TRPM6: variants seen among roughly 807,000 people sequenced by gnomAD.
The protein encoded by TRPM6 is transient receptor potential cation channel subfamily M member 6.
A neutral mutation model predicts 247.6 loss-of-function variants in TRPM6; 111 were observed. The observed-to-expected ratio is 0.45, with a 90% CI of 0.38 to 0.52. The LOEUF is 0.52. TRPM6 is among the 20% of genes least tolerant of loss of function. TRPM6 has a pLI of 0.00. For synonymous variants in TRPM6, 892 were observed against 853.8 expected (o/e 1.04, Z -0.78); for missense variants, 2,126 against 2,421.5 (o/e 0.88, Z 2.56).
intron 1 of TRPM6, among the ~76,000 whole-genome samples, chr9:74,877,370 A>T (rs866040271): frequency 4.2e-4 from 64 of 152,336 alleles, no homozygotes; most frequent in African/African-American, 1.4e-3. Flanking sequence ...CAGCCACAGG[A>T]AAAAAGCACC....
At chr9:74,859,696 C>G (rs567103379) in intron 1 of TRPM6, among the ~76,000 whole-genome samples, 1 of 151,834 alleles carries the variant, frequency 6.6e-6, no homozygotes, top group Non-Finnish European at 1.5e-5. Flanking sequence ...ATCGCTTGAA[C>G]CTGGCAGGCA....
At position 74,837,181 on chromosome 9, in the gene TRPM6, A is replaced by T. The variant is rs374448643; in HGVS notation, c.544+2843T>A. On this transcript the variant is annotated intron_variant, in intron 5 of 38. Coordinates refer to ENST00000360774, the MANE Select transcript of TRPM6 (RefSeq NM_017662.5). ...AAATGTCAAAGATTCATGCGAAATT[A>T]TGTTCAACTATGGTTGAGAAGCCTG... Among the ~76,000 whole-genome samples the T allele has an allele frequency of 2.8e-3, 420 of 152,372 alleles. 2 individuals are homozygous for T. Among genetic ancestry groups the T allele is most frequent in the South Asian group, 5.4e-3 (26 of 4,832 alleles).
In TRPM6 at chr9:74,842,246, C is replaced by T. The variant is rs762548236; in HGVS notation, c.250G>A (p.Glu84Lys). Reference sequence around the variant, plus strand: ...GTTGGGCTTTTCGTTGTGTGCTTTTCAACAGACCATTGTTCACTTTCTTTA... The same window carrying T: ...GTTGGGCTTTTCGTTGTGTGCTTTTTAACAGACCATTGTTCACTTTCTTTA... ...KGKESEQWSV[E>K]KHTTKSPTDT... The change falls in exon 4 of 39, where the codon GAA (glutamate) becomes AAA (lysine). Residue 84 changes from glutamate (E) to lysine (K), a missense_variant. By Grantham distance (56) the Glu-to-Lys change is moderately conservative (BLOSUM62 1). Coordinates refer to ENST00000360774, the MANE Select transcript of TRPM6 (RefSeq NM_017662.5). The T allele has an allele frequency of 2.2e-5, 36 of 1,613,894 alleles. No individual in the cohort carries two copies. The highest frequency in any genetic ancestry group is 3.1e-5 in the Non-Finnish European group (36 of 1,180,030).
At chr9:74,872,146 C>A (rs1240893943) in intron 1 of TRPM6, among the ~76,000 whole-genome samples, 1 of 151,992 alleles carries the variant, frequency 6.6e-6, no homozygotes. Context: ...AGCCACCATG[C>A]CTGGCTGCAA....
intron 37 of TRPM6, among the ~76,000 whole-genome samples, chr9:74,729,362 G>A (rs930973399): frequency 6.6e-6 from 1 of 152,170 alleles, no homozygotes; most frequent in South Asian, 2.1e-4. Flanking sequence ...TTCCATCCAA[G>A]GATTGAAACA....
At chr9:74,852,173 A>G (rs1467255459) in intron 3 of TRPM6, among the ~76,000 whole-genome samples, 1 of 151,852 alleles carries the variant, frequency 6.6e-6, no homozygotes, top group Non-Finnish European at 1.5e-5. Flanking sequence ...ATAGTATTGC[A>G]ATGTAGCGGA....
In TRPM6 at chr9:74,762,272, T is replaced by G. The variant is rs756409335; in HGVS notation, c.4399A>C (p.Ser1467Arg). 30 of 1,614,140 alleles carry G rather than the reference T, an allele frequency of 1.9e-5. No individual in the cohort carries two copies. Among genetic ancestry groups the G allele is most frequent in the Non-Finnish European group, 2.4e-5 (28 of 1,180,052 alleles). ...FSEGDETGVFSIKKKWQTCLP... is the reference protein window; with the variant it reads ...FSEGDETGVFRIKKKWQTCLP... ...CAGGTTTGCCACTTTTTCTTGATGC[T>G]AAACACACCAGTTTCATCACCTTCT... Residue 1467 changes from serine to arginine, a missense_variant, in exon 26 of 39, where the codon AGC (serine) becomes CGC (arginine). Around this residue, in one of 3 missense-constraint regions of TRPM6, gnomAD observed 717 missense variants for 715.9 expected, o/e 1.00. Coordinates refer to ENST00000360774, the MANE Select transcript of TRPM6 (RefSeq NM_017662.5).
At chr9:74,776,459 T>G (rs1303036458) in intron 23 of TRPM6, among the ~76,000 whole-genome samples, 1 of 152,202 alleles carries the variant, frequency 6.6e-6, no homozygotes, top group Non-Finnish European at 1.5e-5. Context: ...AATGTTCCTC[T>G]GTATCATCTA....
At position 74,847,920 on chromosome 9, in the gene TRPM6, G is replaced by A. The variant is rs369051383; in HGVS notation, c.153-5577C>T. On this transcript the variant is annotated intron_variant, in intron 3 of 38. Transcript: ENST00000360774. Reference sequence around the variant, plus strand: ...GGGCATATGTTCCAAGACCTCCAGCGGGTGCCCAAAACCGCAGATAGTACC... The same window carrying A: ...GGGCATATGTTCCAAGACCTCCAGCAGGTGCCCAAAACCGCAGATAGTACC... Among the ~76,000 whole-genome samples the A allele has an allele frequency of 3.7e-3, 559 of 152,144 alleles. 2 individuals carry two copies. Among genetic ancestry groups the A allele is most frequent in the Non-Finnish European group, 5.8e-3 (391 of 67,994 alleles).
chr9:74,798,437 G>A (rs545769378), intron 17 of TRPM6, among the ~76,000 whole-genome samples: 4 of 152,128 alleles, frequency 2.6e-5, no homozygotes, highest in South Asian at 4.1e-4. Flanking sequence ...TGGAAAAATC[G>A]CAGTTATCAT....
chr9:74,737,603 C>A (rs1008064282), intron 36 of TRPM6, among the ~76,000 whole-genome samples: 2 of 152,188 alleles, frequency 1.3e-5, no homozygotes, highest in Non-Finnish European at 2.9e-5. Context: ...AAGTCTGCAT[C>A]CTGGCTCCCC....
rs968306990 is a variant in TRPM6 at position 74,785,769 on chromosome 9, C to T, written c.2919+105G>A. On this transcript the variant is annotated intron_variant, in intron 21 of 38. Transcript: ENST00000360774. ...TGATCTCCTGACCTTGTGATCCGCCCGCCTTGGCCTCCCAAAGTGCTGGGA... is the reference window on the plus strand; with the variant it reads ...TGATCTCCTGACCTTGTGATCCGCCTGCCTTGGCCTCCCAAAGTGCTGGGA... 76 of 1,281,350 alleles carry T rather than the reference C, an allele frequency of 5.9e-5. No homozygotes were observed. In the Admixed American group the frequency reaches 6.6e-4, roughly 11 times the overall value. The allele number at this position is 1,281,350 out of a possible 1,614,324, so 79.4% of individuals were successfully genotyped here.
intron 1 of TRPM6, among the ~76,000 whole-genome samples, chr9:74,877,890 C>T (rs987557838): frequency 9.9e-5 from 15 of 152,044 alleles, no homozygotes; most frequent in African/African-American, 3.1e-4. Context: ...CACCTCACCC[C>T]TCCTACCACA....
chr9:74,843,959 G>C (rs1263254558), intron 3 of TRPM6, among the ~76,000 whole-genome samples: 3 of 152,154 alleles, frequency 2.0e-5, no homozygotes, highest in Non-Finnish European at 4.4e-5. Context: ...GGGTGACCAG[G>C]TGTGTGGTCA....
At chr9:74,763,473 A>G (rs994728994) in intron 25 of TRPM6, among the ~76,000 whole-genome samples, 2 of 152,202 alleles carry the variant, frequency 1.3e-5, no homozygotes, top group Non-Finnish European at 2.9e-5. Context: ...TCATTAATAT[A>G]TTTATTCATT....
chr9:74,877,043 G>A (rs1217791523), intron 1 of TRPM6, among the ~76,000 whole-genome samples: 4 of 152,254 alleles, frequency 2.6e-5, no homozygotes, highest in East Asian at 3.9e-4. Flanking sequence ...CTTCATACCC[G>A]CTAGGATGGC....
At chr9:74,879,856 G>C (rs1386325858) in intron 1 of TRPM6, among the ~76,000 whole-genome samples, 1 of 152,138 alleles carries the variant, frequency 6.6e-6, no homozygotes, top group African/African-American at 2.4e-5. Flanking sequence ...AGCCGCCCCA[G>C]CAAAATTAAT....
At chr9:74,777,325 A>G (rs1827259078) in intron 23 of TRPM6, among the ~76,000 whole-genome samples, 1 of 152,130 alleles carries the variant, frequency 6.6e-6, no homozygotes, top group African/African-American at 2.4e-5. Context: ...ATTATTTTAT[A>G]AAGAATTGTC....
intron 17 of TRPM6, among the ~76,000 whole-genome samples, chr9:74,798,901 A>T (rs1042659491): frequency 6.6e-6 from 1 of 152,174 alleles, no homozygotes; most frequent in South Asian, 2.1e-4. Flanking sequence ...AGAATTCATT[A>T]AGTTCTCAGA....
Sources: allele counts gnomAD v4.1 joint callset (sites outside exome capture counted in the v4.1 genomes callset), GRCh38; gene constraint gnomAD v4.1.1; regional missense constraint gnomAD v4.1.1; transcripts MANE v1.5; gene names NCBI Gene and HGNC (gene_info 2026-07-23, HGNC 2026-07-21).